FAM200B: variants seen among roughly 807,000 people sequenced by gnomAD.
The protein encoded by FAM200B is protein FAM200B.
Under a neutral mutation model 33.1 loss-of-function variants are expected in FAM200B, and 32 were observed. The observed-to-expected ratio is 0.97, with a 90% confidence interval of 0.73 to 1.30. The LOEUF (loss-of-function observed/expected upper bound fraction) is 1.30, where lower values mean the gene tolerates loss of function less well. Among genes scored for constraint, FAM200B ranks in the 50% most tolerant of loss-of-function variants. The pLI is 0.00. For missense variants in FAM200B, 741 were observed against 754.0 expected (o/e 0.98, Z 0.20); for synonymous variants, 240 against 264.8 (o/e 0.91, Z 0.91).
At chr4:15,655,198 C>A in the FAM200B span, 1 of 1,405,332 alleles carries the variant, frequency 7.1e-7, no homozygotes, top group South Asian at 1.3e-5. Context: ...CTCAGCGCTC[C>A]GTTACCTTGT....
At chr4:15,639,713 T>A in the FAM200B span, among the ~76,000 whole-genome samples, 1 of 152,190 alleles carries the variant, frequency 6.6e-6, no homozygotes, top group East Asian at 1.9e-4. Context: ...TACAATGAGT[T>A]GGGGGGCCCT....
chr4:15,667,780 G>A, the FAM200B span, among the ~76,000 whole-genome samples: 2 of 151,960 alleles, frequency 1.3e-5, no homozygotes, highest in Non-Finnish European at 2.9e-5. Context: ...AATTTATCAC[G>A]CCTGTAATCC....
chr4:15,663,595 C>T, the FAM200B span, among the ~76,000 whole-genome samples: 1 of 152,184 alleles, frequency 6.6e-6, no homozygotes, highest in Non-Finnish European at 1.5e-5. Flanking sequence ...ATTCTGCTCA[C>T]TCATCTGTGA....
chr4:15,654,005 T>C, the FAM200B span, among the ~76,000 whole-genome samples: 1 of 152,214 alleles, frequency 6.6e-6, no homozygotes, highest in Non-Finnish European at 1.5e-5. Context: ...TGGGTGTTTC[T>C]AAATTTTCAG....
chr4:15,640,934 T>C, the FAM200B span: 1 of 1,014,802 alleles, frequency 9.9e-7, no homozygotes, highest in Non-Finnish European at 1.4e-6. Flanking sequence ...CTTCATTAAT[T>C]ATGTCTGGTC....
chr4:15,682,108 T>C (rs932137033), intron 1 of FAM200B: 1 of 152,346 alleles, frequency 6.6e-6, no homozygotes, highest in Non-Finnish European at 1.5e-5. Context: ...AAATCCTAGC[T>C]GGGTCCCTGG....
At position 15,687,864 on chromosome 4, in the gene FAM200B, G is replaced by A. The variant is rs1277019565; in HGVS notation, c.887G>A (p.Ser296Asn). The A allele has an allele frequency of 6.4e-7, 1 of 1,551,232 alleles. No homozygotes were observed. The highest frequency in any genetic ancestry group is 2.0e-5 in the Admixed American group (1 of 50,986). Reference sequence around the variant, plus strand: ...TGGAAAAACTGTAAAGGAATTACAAGTGATGGCACAGCAACCATGACTGGA... The same window carrying A: ...TGGAAAAACTGTAAAGGAATTACAAATGATGGCACAGCAACCATGACTGGA... ...LNWKNCKGIT[S>N]DGTATMTGKH... is the part of the protein sequence containing the mutation. Residue 296 changes from serine to asparagine, a missense_variant, in exon 2 of 2, where the codon AGT becomes AAT. By Grantham distance (46) the Ser-to-Asn change is conservative. Transcript: ENST00000422728.
At chr4:15,668,730 C>G in the FAM200B span, among the ~76,000 whole-genome samples, 1 of 152,164 alleles carries the variant, frequency 6.6e-6, no homozygotes, top group African/African-American at 2.4e-5. Flanking sequence ...AAAATACATT[C>G]AAGTTCCCAG....
chr4:15,638,521 T>C, the FAM200B span: 36 of 1,592,576 alleles, frequency 2.3e-5, no homozygotes, highest in Non-Finnish European at 2.9e-5. Context: ...TATCTGACTT[T>C]TCATCCACGG....
chr4:15,650,169 G>C, the FAM200B span, among the ~76,000 whole-genome samples: 3 of 152,102 alleles, frequency 2.0e-5, no homozygotes, highest in Non-Finnish European at 4.4e-5. Flanking sequence ...CAGGGATGTG[G>C]CTAAACATCC....
chr4:15,676,738 G>T (rs1397897375), upstream of FAM200B, among the ~76,000 whole-genome samples: 3 of 152,040 alleles, frequency 2.0e-5, no homozygotes, highest in African/African-American at 7.3e-5. Context: ...TAGGTGTTGG[G>T]TTGTTGGGTT....
intron 1 of FAM200B, 137 bp from the exon 2 acceptor site, chr4:15,686,099 A>G (rs1718819332): frequency 6.6e-6 from 1 of 152,202 alleles, no homozygotes; most frequent in African/African-American, 2.4e-5. Context: ...AAGCCAATAT[A>G]AGATAGTGAT....
the FAM200B span, among the ~76,000 whole-genome samples, chr4:15,663,978 T>C: frequency 6.6e-6 from 1 of 152,226 alleles, no homozygotes; most frequent in African/African-American, 2.4e-5. Flanking sequence ...CTGCATGAAT[T>C]GTAGGCACTC....
chr4:15,679,578 C>CA (rs1258563515), upstream of FAM200B, among the ~76,000 whole-genome samples: 5 of 136,060 alleles, frequency 3.7e-5, no homozygotes, highest in African/African-American at 1.4e-4. Context: ...AAAAAAAAAA[C>CA]AAAAAAACAA....
At chr4:15,671,278 G>A in the FAM200B span, among the ~76,000 whole-genome samples, 1 of 152,034 alleles carries the variant, frequency 6.6e-6, no homozygotes, top group Non-Finnish European at 1.5e-5. Context: ...CTTGAAATAT[G>A]TTGCTCTACT....
chr4:15,687,957 T>A lies in FAM200B; in HGVS notation c.980T>A (p.Phe327Tyr), dbSNP rs202198770. Residue 327 changes from phenylalanine to tyrosine, a missense_variant, in exon 2 of 2, where the codon TTT becomes TAT. By Grantham distance (22) the Phe-to-Tyr change is conservative. Coordinates refer to ENST00000422728, the MANE Select transcript of FAM200B (RefSeq NM_001145191.2). ...TNNGAVWNHC[F>Y]IHREGLASRE... ...AATGGTGCTGTGTGGAATCATTGTTTTATACATCGTGAAGGTTTAGCATCC... is the reference window on the plus strand; with the variant it reads ...AATGGTGCTGTGTGGAATCATTGTTATATACATCGTGAAGGTTTAGCATCC... The A allele has an allele frequency of 3.8e-4, 586 of 1,551,252 alleles. 3 individuals carry two copies. In the African/African-American group the frequency reaches 7.2e-3, roughly 19 times the overall value.
At chr4:15,656,034 C>T in the FAM200B span, among the ~76,000 whole-genome samples, 1 of 152,176 alleles carries the variant, frequency 6.6e-6, no homozygotes, top group Admixed American at 6.5e-5. Context: ...GGAGACTCAA[C>T]GTGGGGGAAA....
At chr4:15,684,191 G>C (rs763020939) in intron 1 of FAM200B, among the ~76,000 whole-genome samples, 1 of 152,192 alleles carries the variant, frequency 6.6e-6, no homozygotes, top group Non-Finnish European at 1.5e-5. Context: ...TGGGCCAGCA[G>C]AACCCACCTG....
chr4:15,648,644 C>T, the FAM200B span, among the ~76,000 whole-genome samples: 1 of 152,032 alleles, frequency 6.6e-6, no homozygotes, highest in Admixed American at 6.5e-5. Context: ...TATGATCTCA[C>T]TATATATGGA....
Sources: allele counts gnomAD v4.1 joint callset (sites outside exome capture counted in the v4.1 genomes callset), GRCh38; gene constraint gnomAD v4.1.1; transcripts MANE v1.5; gene names NCBI Gene and HGNC (gene_info 2026-07-23, HGNC 2026-07-21).